The following RBFOX3 variants were observed in gnomAD, a reference collection of about 807,000 sequenced individuals.
RBFOX3 encodes RNA binding fox-1 homolog 3, also known as RNA binding protein fox-1 homolog 3.
A neutral mutation model predicts 48.7 loss-of-function variants in RBFOX3; 17 were observed. The observed-to-expected ratio is 0.35, with a 90% confidence interval of 0.24 to 0.52. The LOEUF is 0.52. RBFOX3 is among the 20% of genes least tolerant of loss of function. The probability of loss-of-function intolerance (pLI) is 0.94; values close to 1 mark genes in which losing one functional copy is unlikely to be tolerated. For synonymous variants in RBFOX3, 212 were observed against 209.5 expected, an observed-to-expected ratio of 1.01 and a Z score of -0.10; for missense variants, 382 against 497.5, an observed-to-expected ratio of 0.77 and a Z score of 2.21.
intron 1 of RBFOX3, among the ~76,000 whole-genome samples, chr17:79,487,531 C>T (rs1029541000): frequency 2.0e-5 from 3 of 152,194 alleles, no homozygotes; most frequent in Admixed American, 6.5e-5. Flanking sequence ...TGCTCACTAT[C>T]GTGCCCCAGC....
intron 1 of RBFOX3, among the ~76,000 whole-genome samples, chr17:79,589,675 A>G (rs1308193626): frequency 1.3e-5 from 2 of 151,742 alleles, no homozygotes; most frequent in South Asian, 4.2e-4. Flanking sequence ...AGGAGCTGGG[A>G]CCCCCTGGAA....
At chr17:79,270,010 T>C (rs750955901) in intron 3 of RBFOX3, among the ~76,000 whole-genome samples, 1 of 152,206 alleles carries the variant, frequency 6.6e-6, no homozygotes, top group Non-Finnish European at 1.5e-5. Context: ...AGCGAGCATC[T>C]GTCTGCCTTC....
At position 79,482,863 on chromosome 17, in the gene RBFOX3, G is replaced by C. The variant is rs931392173; in HGVS notation, c.-319-265C>G. On this transcript the variant is annotated intron_variant, in intron 1 of 14. Transcript: ENST00000693108. The surrounding 1 kb of genome is among the most constrained non-coding windows in gnomAD (Gnocchi z 4.1). ...CAGCCACCGTGCAGTCCATCCCAGG[G>C]TCCGCCCCTCTCCCAGCCCGCTTGC... Among the ~76,000 whole-genome samples, 1 of 151,802 alleles carries C rather than the reference G, an allele frequency of 6.6e-6. No individual in the cohort carries two copies. The highest frequency in any genetic ancestry group is 1.9e-4 in the East Asian group (1 of 5,168).
intron 2 of RBFOX3, among the ~76,000 whole-genome samples, chr17:79,447,833 C>T (rs879983971): frequency 2.6e-5 from 4 of 152,278 alleles, no homozygotes; most frequent in Non-Finnish European, 5.9e-5. Context: ...TGTCGCTACC[C>T]AAATAGCATG....
rs2066263245 is a variant in RBFOX3 at position 79,421,006 on chromosome 17, G to A, written c.-175+61448C>T. Among the ~76,000 whole-genome samples the A allele has an allele frequency of 6.6e-6, 1 of 152,056 alleles. No homozygotes were observed. On this transcript the variant is annotated intron_variant, in intron 2 of 14. Coordinates refer to ENST00000693108, the MANE Select transcript of RBFOX3 (RefSeq NM_001350451.2). The surrounding 1 kb of genome is among the most constrained non-coding windows in gnomAD (Gnocchi z 4.5). ...ATGGAGGCCCAGGGGCTTCCCTGCT[G>A]AGTGAGCCTCCCCTGGTGGGTTGAG...
chr17:79,190,896 C>G (rs1455828964), intron 4 of RBFOX3, among the ~76,000 whole-genome samples: 3 of 152,214 alleles, frequency 2.0e-5, no homozygotes. Context: ...GCCCTGCACT[C>G]TCAGGGTGTC....
intron 2 of RBFOX3, among the ~76,000 whole-genome samples, chr17:79,371,706 G>A (rs1355973892): frequency 3.9e-5 from 6 of 152,150 alleles, no homozygotes; most frequent in Admixed American, 6.5e-5. Flanking sequence ...TCCTCTTCTC[G>A]AAAATGTGGA....
At chr17:79,628,535 T>C in the RBFOX3 span, among the ~76,000 whole-genome samples, 3 of 152,140 alleles carry the variant, frequency 2.0e-5, no homozygotes, top group African/African-American at 7.2e-5. Context: ...AGCCCTGAAC[T>C]CCATTCCTTT....
At chr17:79,343,465 C>T (rs1377296740) in intron 2 of RBFOX3, among the ~76,000 whole-genome samples, 1 of 151,956 alleles carries the variant, frequency 6.6e-6, no homozygotes. Flanking sequence ...TGCAGTGAGC[C>T]GAGATTGCAC....
chr17:79,135,555 G>A (rs976890539), intron 4 of RBFOX3, among the ~76,000 whole-genome samples: 6 of 152,170 alleles, frequency 3.9e-5, no homozygotes, highest in Non-Finnish European at 8.8e-5. Context: ...AAAGGCCTGG[G>A]CTGCCCATGA....
At chr17:79,269,073 A>G (rs1198745282) in intron 3 of RBFOX3, among the ~76,000 whole-genome samples, 1 of 152,208 alleles carries the variant, frequency 6.6e-6, no homozygotes, top group East Asian at 1.9e-4. Flanking sequence ...TGGGCTTTAC[A>G]TCCAATCACT....
chr17:79,636,830 T>C, the RBFOX3 span, among the ~76,000 whole-genome samples: 1 of 152,154 alleles, frequency 6.6e-6, no homozygotes, highest in Non-Finnish European at 1.5e-5. Flanking sequence ...TTACATTACA[T>C]GTAAATAGAC....
rs1201952902 is a variant in RBFOX3, at chr17:79,242,225, G to T, written c.-73-6420C>A. The stretch of plus-strand genomic sequence containing the variant: ...TGGTGGAGGGGGTGCTACCTGAGGA[G>T]CCCCGGGGTGGGGGGCAGGCCGTAT... On this transcript the variant is annotated intron_variant, in intron 3 of 14. Coordinates refer to ENST00000693108, the MANE Select transcript of RBFOX3 (RefSeq NM_001350451.2). This position sits in a 1 kb window ranked among gnomAD's most constrained non-coding sequence, Gnocchi z 5.8. Among the ~76,000 whole-genome samples the T allele has an allele frequency of 6.6e-6, 1 of 152,064 alleles. No homozygotes were observed. The highest frequency in any genetic ancestry group is 1.5e-5 in the Non-Finnish European group (1 of 68,010).
Position 79,362,170 on chromosome 17 carries a change from A to G in RBFOX3, c.-174-54346T>C, listed in dbSNP as rs2086484302. Among the ~76,000 whole-genome samples the G allele has an allele frequency of 6.6e-6, 1 of 152,222 alleles. No homozygotes were observed. ...CGGGCCACGGCCAAGCGCTGAGCCA[A>G]CAGAGTTTGCCTCCTGCCTCACACC... On this transcript the variant is annotated intron_variant, in intron 2 of 14. Coordinates refer to ENST00000693108, the MANE Select transcript of RBFOX3 (RefSeq NM_001350451.2). The surrounding 1 kb of genome is among the most constrained non-coding windows in gnomAD (Gnocchi z 4.2).
chr17:79,289,850 C>T (rs1394597038), intron 3 of RBFOX3, among the ~76,000 whole-genome samples: 1 of 152,226 alleles, frequency 6.6e-6, no homozygotes, highest in Non-Finnish European at 1.5e-5. Flanking sequence ...GTGAACATGA[C>T]ATCAATAACA....
chr17:79,188,320 C>G (rs74001655), intron 4 of RBFOX3, among the ~76,000 whole-genome samples: 15,710 of 152,298 alleles, frequency 0.1, 848 homozygotes, highest in South Asian at 0.12. Context: ...TCCGGCTCAG[C>G]GGGGGTCCCC....
chr17:79,634,884 ACTCTGT>A, the RBFOX3 span, among the ~76,000 whole-genome samples: 19 of 151,428 alleles, frequency 1.3e-4, no homozygotes, highest in Admixed American at 8.6e-4. Flanking sequence ...ACATGATGAA[ACTCTGT>A]CTCTACTAAA....
intron 3 of RBFOX3, among the ~76,000 whole-genome samples, chr17:79,273,694 T>C (rs139172285): frequency 0.01 from 1,565 of 152,250 alleles, 24 homozygotes; most frequent in African/African-American, 0.032. Context: ...CTCAGCCCCA[T>C]TGGCAGTGAT....
At chr17:79,566,257 C>G (rs1057141608) in intron 1 of RBFOX3, among the ~76,000 whole-genome samples, 2 of 152,188 alleles carry the variant, frequency 1.3e-5, no homozygotes, top group African/African-American at 4.8e-5. Flanking sequence ...ATGAGCCCTC[C>G]CTTTGCGTAA....
Sources: gnomAD v4.1 joint callset for allele counts (sites outside exome capture counted in the v4.1 genomes callset) on GRCh38, gnomAD v4.1.1 for gene constraint, Gnocchi (gnomAD v3.1) non-coding constraint, MANE v1.5 for transcripts, NCBI Gene and HGNC (gene_info 2026-07-23, HGNC 2026-07-21) for gene names.